The following AJAP1 variants were observed in gnomAD, a reference collection of about 807,000 sequenced individuals.
AJAP1 encodes the protein adherens junctions associated protein 1.
In AJAP1, 5 loss-of-function variants were observed where a neutral mutation model predicts 35.0. The observed-to-expected ratio is 0.14, with a 90% CI of 0.07 to 0.30. The LOEUF (loss-of-function observed/expected upper bound fraction) is 0.30. Among genes scored for constraint, AJAP1 ranks in the 10% least tolerant of loss-of-function variants. The pLI is 1.00. For missense variants in AJAP1, 586 were observed against 571.0 expected, an observed-to-expected ratio of 1.03 and a Z score of -0.27; for synonymous variants, 284 against 249.3, an observed-to-expected ratio of 1.14 and a Z score of -1.31.
chr1:4,692,438 C>G lies in AJAP1; in HGVS notation c.30-19462C>G, dbSNP rs181645850. Among the ~76,000 whole-genome samples, 1 of 152,166 alleles carries G rather than the reference C, an allele frequency of 6.6e-6. No individual in the cohort carries two copies. The highest frequency in any genetic ancestry group is 2.1e-4 in the South Asian group (1 of 4,828). ...ATAGCCTCCGTGGGACTCATCATTACGAGGACTTGTAATTGCTTTGCTGGC... is the reference window on the plus strand; with the variant it reads ...ATAGCCTCCGTGGGACTCATCATTAGGAGGACTTGTAATTGCTTTGCTGGC... On this transcript the variant is annotated intron_variant, in intron 1 of 5. Transcript: ENST00000378191. This position sits in a 1 kb window ranked among gnomAD's most constrained non-coding sequence, Gnocchi z 4.4.
chr1:4,736,235 T>TC (rs1640920077), intron 2 of AJAP1, among the ~76,000 whole-genome samples: 1 of 152,190 alleles, frequency 6.6e-6, no homozygotes, highest in Non-Finnish European at 1.5e-5. Context: ...GCTCTGATGT[T>TC]GCCCCTCGCC....
At chr1:4,778,571 ATCTCTC>A (rs141390632) in intron 5 of AJAP1, among the ~76,000 whole-genome samples, 47,596 of 142,442 alleles carry the variant, frequency 0.33, 8,084 homozygotes, top group Middle Eastern at 0.43. Flanking sequence ...GATTGGCGCC[ATCTCTC>A]TCTCTCTCTC....
At chr1:4,707,174 C>T (rs1246279979) in intron 1 of AJAP1, among the ~76,000 whole-genome samples, 2 of 152,166 alleles carry the variant, frequency 1.3e-5, no homozygotes, top group Admixed American at 1.3e-4. Context: ...CTCTGCCTTC[C>T]ACCCATCCGC....
intron 2 of AJAP1, among the ~76,000 whole-genome samples, chr1:4,753,417 C>CTGCTATAATAATTTTTAATT (rs1553160541): frequency 6.6e-6 from 1 of 151,960 alleles, no homozygotes; most frequent in African/African-American, 2.4e-5. Context: ...GAATTTACTC[C>CTGCTATAATAATTTTTAATT]ATTTTCTTAA....
chr1:4,763,244 C>T (rs904788874), intron 2 of AJAP1, among the ~76,000 whole-genome samples: 1 of 152,248 alleles, frequency 6.6e-6, no homozygotes, highest in African/African-American at 2.4e-5. Flanking sequence ...TGGCTGAGGA[C>T]CACTGCTCCA....
intron 2 of AJAP1, among the ~76,000 whole-genome samples, chr1:4,739,937 G>A (rs1161258732): frequency 1.3e-5 from 2 of 152,156 alleles, no homozygotes; most frequent in East Asian, 3.9e-4. Flanking sequence ...GGGCTTCCGG[G>A]ATGGCTTCCC....
chr1:4,779,187 G>A (rs1418331338), intron 5 of AJAP1, among the ~76,000 whole-genome samples: 2 of 152,210 alleles, frequency 1.3e-5, no homozygotes, highest in African/African-American at 2.4e-5. Flanking sequence ...AAGGATTTGA[G>A]GCTTGAGATT....
At chr1:4,731,890 A>G (rs1175419256) in intron 2 of AJAP1, among the ~76,000 whole-genome samples, 1 of 152,096 alleles carries the variant, frequency 6.6e-6, no homozygotes, top group Non-Finnish European at 1.5e-5. Flanking sequence ...CCTCCTGGAG[A>G]GGGGCTGGGC....
chr1:4,736,040 T>G (rs561981510), intron 2 of AJAP1, among the ~76,000 whole-genome samples: 1 of 152,340 alleles, frequency 6.6e-6, no homozygotes, highest in South Asian at 2.1e-4. Flanking sequence ...TGCGCCTTAC[T>G]TTCCTCATTT....
chr1:4,739,456 A>G (rs1178955574), intron 2 of AJAP1, among the ~76,000 whole-genome samples: 1 of 152,214 alleles, frequency 6.6e-6, no homozygotes, highest in Non-Finnish European at 1.5e-5. Flanking sequence ...TGTTAACTCC[A>G]GGTCTCCTTG....
At position 4,787,357 on chromosome 1, in the gene AJAP1, G is replaced by A; in HGVS notation, c.*4872G>A. 1 of 242,980 alleles carries A rather than the reference G, an allele frequency of 4.1e-6. No individual in the cohort carries two copies. The highest frequency in any genetic ancestry group is 5.6e-5 in the Admixed American group (1 of 17,820). The allele number at this position is 242,980 out of a possible 1,614,324, so 15.1% of individuals were successfully genotyped here. Reference sequence around the variant, plus strand: ...AGAGGGGAAGAGGGAGAGAGTGGGGGGCATTGAAGGGGAAGAAAGAGAGGC... The same window carrying A: ...AGAGGGGAAGAGGGAGAGAGTGGGGAGCATTGAAGGGGAAGAAAGAGAGGC... On this transcript the variant is annotated 3_prime_UTR_variant, in exon 6 of 6. Coordinates refer to ENST00000378191, the MANE Select transcript of AJAP1 (RefSeq NM_018836.4).
chr1:4,762,213 T>G (rs61277845), intron 2 of AJAP1, among the ~76,000 whole-genome samples: 42,673 of 152,202 alleles, frequency 0.28, 6,491 homozygotes, highest in Admixed American at 0.36. Flanking sequence ...ATTCTGTGTC[T>G]GCCATGTCTT....
At chr1:4,751,782 C>A (rs552605360) in intron 2 of AJAP1, among the ~76,000 whole-genome samples, 1 of 152,214 alleles carries the variant, frequency 6.6e-6, no homozygotes, top group African/African-American at 2.4e-5. Context: ...AAAGCACTCA[C>A]GCTCTCTGCA....
At position 4,712,101 on chromosome 1, in the gene AJAP1, G is replaced by T; in HGVS notation, c.231G>T (p.Pro77=). ...GACAGCCAGCGCGGGTCCCGGCCCC[G>T]GTGTGGAGCCCCCGGCCGCCCCGAG... ...RSGQPARVPA[P]VWSPRPPRVE... is the part of the protein sequence containing the mutation. The change falls in exon 2 of 6, where the codon CCG becomes CCT. Residue 77 remains proline, a synonymous_variant. Transcript: ENST00000378191. The T allele has an allele frequency of 6.5e-7, 1 of 1,550,026 alleles. No homozygotes were observed. The highest frequency in any genetic ancestry group is 8.7e-7 in the Non-Finnish European group (1 of 1,155,856).
At chr1:4,678,812 C>T (rs1039631824) in intron 1 of AJAP1, among the ~76,000 whole-genome samples, 1 of 152,202 alleles carries the variant, frequency 6.6e-6, no homozygotes, top group African/African-American at 2.4e-5. Flanking sequence ...CATTTGCTCT[C>T]TTTGGGCAGT....
chr1:4,787,843 C>T lies in AJAP1; in HGVS notation c.*5358C>T. 2.2e-6 allele frequency: 1 copy of T among 448,962 alleles called. No individual in the cohort carries two copies. The highest frequency in any genetic ancestry group is 4.5e-6 in the Non-Finnish European group (1 of 222,206). The allele number at this position is 448,962 out of a possible 1,614,324, so 27.8% of individuals were successfully genotyped here. On this transcript the variant is annotated 3_prime_UTR_variant, in exon 6 of 6. Coordinates refer to ENST00000378191, the MANE Select transcript of AJAP1 (RefSeq NM_018836.4). ...TGGTGCCAGAAGGCAGCTGCATCTCCAGAAGCTCCCCCAGCACTGAGCTCA... is the reference window on the plus strand; with the variant it reads ...TGGTGCCAGAAGGCAGCTGCATCTCTAGAAGCTCCCCCAGCACTGAGCTCA...
intron 1 of AJAP1, among the ~76,000 whole-genome samples, chr1:4,664,223 C>T (rs1639066137): frequency 6.6e-6 from 1 of 152,178 alleles, no homozygotes; most frequent in Admixed American, 6.5e-5. Flanking sequence ...ACCGTTACAT[C>T]CTGTTCTTCC....
At chr1:4,694,533 C>T (rs1201885507) in intron 1 of AJAP1, among the ~76,000 whole-genome samples, 2 of 152,248 alleles carry the variant, frequency 1.3e-5, no homozygotes, top group African/African-American at 4.8e-5. Flanking sequence ...GGAGCATAAA[C>T]TCCCGAGTGG....
rs1292262977 is a variant in AJAP1, at chr1:4,786,688, G to A, written c.*4203G>A. Reference sequence around the variant, plus strand: ...ACCCTTTTGCTTCTTTGCTCAGGTGGTCCAGGGTTGTCTGTAGCCCAGGAA... The same window carrying A: ...ACCCTTTTGCTTCTTTGCTCAGGTGATCCAGGGTTGTCTGTAGCCCAGGAA... On this transcript the variant is annotated 3_prime_UTR_variant, in exon 6 of 6. Coordinates refer to ENST00000378191, the MANE Select transcript of AJAP1 (RefSeq NM_018836.4). The A allele has an allele frequency of 3.9e-5, 6 of 152,162 alleles. No individual in the cohort carries two copies. Among genetic ancestry groups the A allele is most frequent in the Admixed American group, 3.9e-4 (6 of 15,280 alleles). 9.4% of individuals were successfully genotyped at this position (152,162 alleles called of 1,614,324 possible).
Sources: allele counts gnomAD v4.1 joint callset (sites outside exome capture counted in the v4.1 genomes callset), GRCh38; gene constraint gnomAD v4.1.1; non-coding constraint Gnocchi (gnomAD v3.1); transcripts MANE v1.5; gene names NCBI Gene and HGNC (gene_info 2026-07-23, HGNC 2026-07-21).